CBLB: variants seen among roughly 807,000 people sequenced by gnomAD.
CBLB encodes Cbl proto-oncogene B, also known as E3 ubiquitin-protein ligase CBL-B.
A neutral mutation model predicts 104.9 loss-of-function variants in CBLB; 31 were observed. The ratio of observed to expected loss-of-function variants is 0.30; its 90% CI spans 0.22 to 0.40. CBLB has a LOEUF of 0.40. Among genes scored for constraint, CBLB ranks in the 10% least tolerant of loss-of-function variants. The pLI is 1.00. For synonymous variants in CBLB, 440 were observed against 422.6 expected (o/e 1.04, Z -0.51); for missense variants, 1,062 against 1,214.6 (o/e 0.87, Z 1.87).
At chr3:105,806,921 A>C (rs2083583220) in intron 3 of CBLB, among the ~76,000 whole-genome samples, 1 of 152,180 alleles carries the variant, frequency 6.6e-6, no homozygotes, top group Non-Finnish European at 1.5e-5. Flanking sequence ...TAAGCAATTC[A>C]TTTTTGTTAC....
chr3:105,867,214 G>A (rs1466133057), intron 2 of CBLB, among the ~76,000 whole-genome samples, 196 bp downstream of exon 2: 2 of 152,164 alleles, frequency 1.3e-5, no homozygotes, highest in African/African-American at 4.8e-5. Flanking sequence ...GAGTAGAAAG[G>A]ATGAAAGGTT....
chr3:105,777,852 T>C (rs2079663495), intron 3 of CBLB, among the ~76,000 whole-genome samples: 2 of 152,230 alleles, frequency 1.3e-5, no homozygotes, highest in African/African-American at 4.8e-5. Flanking sequence ...GTACTATCAA[T>C]CACCTATAAT....
At chr3:105,764,897 T>C (rs960517023) in intron 4 of CBLB, among the ~76,000 whole-genome samples, 2 of 152,220 alleles carry the variant, frequency 1.3e-5, no homozygotes, top group African/African-American at 4.8e-5. Flanking sequence ...CTAGCCACAA[T>C]ATTCTGTTAG....
At chr3:105,742,511 G>A (rs991810943) in intron 6 of CBLB, among the ~76,000 whole-genome samples, 1 of 151,908 alleles carries the variant, frequency 6.6e-6, no homozygotes, top group South Asian at 2.1e-4. Flanking sequence ...CTGAAAATAG[G>A]ATATCAATCT....
intron 10 of CBLB, among the ~76,000 whole-genome samples, chr3:105,706,341 C>A (rs1430060440): frequency 6.6e-6 from 1 of 152,056 alleles, no homozygotes; most frequent in East Asian, 1.9e-4. Context: ...ATTAATGATT[C>A]TTTTTCATTT....
At chr3:105,715,211 T>C (rs1029643949) in intron 10 of CBLB, among the ~76,000 whole-genome samples, 3 of 152,184 alleles carry the variant, frequency 2.0e-5, no homozygotes, top group Non-Finnish European at 2.9e-5. Context: ...AGTCACATCC[T>C]GGACTTTGTC....
chr3:105,758,648 G>A (rs1360679434), intron 4 of CBLB, among the ~76,000 whole-genome samples: 2 of 152,240 alleles, frequency 1.3e-5, no homozygotes, highest in East Asian at 1.9e-4. Flanking sequence ...AGTGAGCATG[G>A]AGTCCAGCCA....
At chr3:105,690,633 C>A (rs1032036015) in intron 13 of CBLB, among the ~76,000 whole-genome samples, 1 of 152,020 alleles carries the variant, frequency 6.6e-6, no homozygotes, top group African/African-American at 2.4e-5. Flanking sequence ...ACCAGCCTGG[C>A]CAATATGGTG....
At chr3:105,725,807 C>T (rs993302610) in intron 9 of CBLB, among the ~76,000 whole-genome samples, 11 of 152,082 alleles carry the variant, frequency 7.2e-5, no homozygotes, top group South Asian at 2.1e-4. Flanking sequence ...GAAGACTGGT[C>T]GCCTTTGAAG....
rs1392068096 is a variant in CBLB at position 105,656,306 on chromosome 3, T to A, written c.*2664A>T. 1.5e-5 allele frequency: 3 copies of A among 206,638 alleles called. No homozygotes were observed. The East Asian group carries it at 2.2e-4, about 15-fold the overall frequency. The allele number at this position is 206,638 out of a possible 1,614,324, so 12.8% of individuals were successfully genotyped here. ...GACTTAAAAAAAAATTGTTACCAAA[T>A]CTTGAGAAATGGAAGGAATGTCTAA... On this transcript the variant is annotated 3_prime_UTR_variant, in exon 19 of 19. Coordinates refer to ENST00000394030, the MANE Select transcript of CBLB (RefSeq NM_170662.5).
intron 10 of CBLB, among the ~76,000 whole-genome samples, chr3:105,717,868 G>A (rs149157602): frequency 6.6e-6 from 1 of 152,272 alleles, no homozygotes; most frequent in Non-Finnish European, 1.5e-5. Context: ...ATAATATAGT[G>A]AGCATTTATG....
intron 4 of CBLB, among the ~76,000 whole-genome samples, chr3:105,754,755 A>G (rs139444761): frequency 4.6e-4 from 70 of 152,326 alleles, no homozygotes; most frequent in African/African-American, 1.6e-3. Context: ...ACCTGTAATA[A>G]TAATATAATT....
At chr3:105,696,064 A>G (rs2068339622) in intron 12 of CBLB, among the ~76,000 whole-genome samples, 1 of 151,598 alleles carries the variant, frequency 6.6e-6, no homozygotes, top group African/African-American at 2.4e-5. Context: ...ATACATATAT[A>G]TACATACATA....
rs139526129 is a variant in CBLB at position 105,742,953 on chromosome 3, G to A, written c.846-2322C>T. Among the ~76,000 whole-genome samples the A allele has an allele frequency of 2.9e-3, 443 of 152,216 alleles. 1 individual carries two copies. Among genetic ancestry groups the A allele is most frequent in the Middle Eastern group, 0.014 (4 of 294 alleles). ...TCTAAAACTCATTATTATACAGAAG[G>A]TTCAAGCAATTCATGTATATAAGAG... On this transcript the variant is annotated intron_variant, in intron 6 of 18. Coordinates refer to ENST00000394030, the MANE Select transcript of CBLB (RefSeq NM_170662.5).
At chr3:105,838,865 C>T (rs1403711052) in intron 3 of CBLB, among the ~76,000 whole-genome samples, 1 of 151,900 alleles carries the variant, frequency 6.6e-6, no homozygotes, top group Admixed American at 6.6e-5. Flanking sequence ...GTCTTGATCT[C>T]CTGACCTCTC....
At chr3:105,817,079 T>G (rs1413305337) in intron 3 of CBLB, among the ~76,000 whole-genome samples, 1 of 151,956 alleles carries the variant, frequency 6.6e-6, no homozygotes, top group Non-Finnish European at 1.5e-5. Flanking sequence ...TATGAAGGCA[T>G]GAAAATGAGA....
chr3:105,829,733 G>A (rs1461871891), intron 3 of CBLB, among the ~76,000 whole-genome samples: 1 of 129,138 alleles, frequency 7.7e-6, no homozygotes, highest in African/African-American at 2.8e-5. Flanking sequence ...AATAATGGAG[G>A]AAGATTTCTT....
intron 14 of CBLB, among the ~76,000 whole-genome samples, chr3:105,682,374 T>C (rs764141266): frequency 3.9e-5 from 6 of 152,196 alleles, no homozygotes; most frequent in Non-Finnish European, 8.8e-5. Flanking sequence ...ATTTCACCAC[T>C]GCCAAGAACA....
chr3:105,810,888 A>G (rs1191654846), intron 3 of CBLB, among the ~76,000 whole-genome samples: 1 of 152,148 alleles, frequency 6.6e-6, no homozygotes, highest in African/African-American at 2.4e-5. Flanking sequence ...AGTACTTCAT[A>G]GGTATAAGTT....
Sources: allele counts gnomAD v4.1 joint callset (sites outside exome capture counted in the v4.1 genomes callset), GRCh38; gene constraint gnomAD v4.1.1; transcripts MANE v1.5; gene names NCBI Gene and HGNC (gene_info 2026-07-23, HGNC 2026-07-21).